Variants in ADD1 observed in about 807,000 individuals in gnomAD.
The protein encoded by ADD1 is alpha-adducin.
In ADD1, 24 loss-of-function variants were observed where a neutral mutation model predicts 80.5. That is an observed-to-expected ratio of 0.30 (90% CI 0.22 to 0.42). The LOEUF is 0.42. Ranked by LOEUF, ADD1 falls within the 10% of genes least tolerant of loss-of-function variation. The pLI, the probability that ADD1 is intolerant of heterozygous loss-of-function variation, is 1.00. For missense variants in ADD1, 948 were observed against 1,019.0 expected (o/e 0.93, Z 0.95); for synonymous variants, 373 against 393.8 (o/e 0.95, Z 0.63).
chr4:2,895,788 A>G (rs957026887), intron 6 of ADD1, among the ~76,000 whole-genome samples: 1 of 152,216 alleles, frequency 6.6e-6, no homozygotes, highest in Non-Finnish European at 1.5e-5. Flanking sequence ...TGTCATGTGA[A>G]AGCACAGTAC....
intron 1 of ADD1, chr4:2,853,337 C>T (rs1432517783): frequency 6.6e-6 from 1 of 152,048 alleles, no homozygotes; most frequent in Non-Finnish European, 1.5e-5. Flanking sequence ...AAACATCTGA[C>T]CTCAGGTGAT....
chr4:2,895,392 AGAAG>A (rs1460329923), intron 6 of ADD1, among the ~76,000 whole-genome samples: 1 of 152,018 alleles, frequency 6.6e-6, no homozygotes, highest in African/African-American at 2.4e-5. Context: ...GAATGGGAAA[AGAAG>A]GAGAGGGCAA....
At chr4:2,844,256 G>C (rs966774139) in intron 1 of ADD1, 3 of 152,320 alleles carry the variant, frequency 2.0e-5, no homozygotes, top group African/African-American at 4.8e-5. Flanking sequence ...TCTTTCATCG[G>C]GATAGGACCC....
intron 2 of ADD1, among the ~76,000 whole-genome samples, chr4:2,876,564 C>T (rs934995913): frequency 6.6e-5 from 10 of 151,812 alleles, no homozygotes; most frequent in Admixed American, 3.9e-4. Context: ...TGGCCAGGCG[C>T]GGTGGCTCAC....
Position 2,926,041 on chromosome 4 carries a change from A to T in ADD1, c.1976A>T (p.Lys659Ile). 6.2e-7 allele frequency: 1 copy of T among 1,614,140 alleles called. No homozygotes were observed. The highest frequency in any genetic ancestry group is 8.5e-7 in the Non-Finnish European group (1 of 1,179,990). ...AATCTGGACGAGGCTAGAGAACAGA[A>T]AGAAAAGAGTCCTCCAGACCAGCCT... is the stretch of plus-strand genomic sequence containing the variant. Reference protein sequence around the residue: ...EENLDEAREQKEKSPPDQPAV... With the variant: ...EENLDEAREQIEKSPPDQPAV... The change falls in exon 15 of 16, where the codon AAA becomes ATA. Residue 659 changes from lysine to isoleucine, a missense_variant. Lys to Ile is a moderately radical substitution (Grantham distance 102). Transcript: ENST00000683351. This position sits in a 1 kb window ranked among gnomAD's most constrained non-coding sequence, Gnocchi z 5.0.
chr4:2,868,745 T>A (rs1729948560), intron 1 of ADD1, among the ~76,000 whole-genome samples: 1 of 152,092 alleles, frequency 6.6e-6, no homozygotes, highest in Admixed American at 6.6e-5. Flanking sequence ...AGATAATTTA[T>A]CCGCATATGA....
intron 4 of ADD1, among the ~76,000 whole-genome samples, chr4:2,890,951 G>A (rs1041650639): frequency 3.6e-4 from 54 of 152,002 alleles, no homozygotes; most frequent in Admixed American, 3.2e-3. Flanking sequence ...ACTGAGCTTA[G>A]CAATTAGACA....
At chr4:2,889,708 G>A (rs539906475) in intron 4 of ADD1, among the ~76,000 whole-genome samples, 2 of 152,266 alleles carry the variant, frequency 1.3e-5, no homozygotes, top group Admixed American at 6.5e-5. Context: ...TGTAGTCCCA[G>A]TTGCTGGGGA....
intron 1 of ADD1, among the ~76,000 whole-genome samples, chr4:2,852,813 A>T (rs1577424275): frequency 5.0e-5 from 7 of 138,694 alleles, no homozygotes. Flanking sequence ...CAGTCCTCCC[A>T]CCCAGCTTCC....
chr4:2,884,573 C>G lies in ADD1; in HGVS notation c.417C>G (p.Asp139Glu). Reference protein sequence around the residue: ...DLRGSDSIAYDKGEKLLRCKL... With the variant: ...DLRGSDSIAYEKGEKLLRCKL... ...GAGGATCTGATTCTATTGCGTATGA[C>G]AAAGGAGAGAAGTTATTACGGTGTA... The change falls in exon 4 of 16, where the codon GAC (aspartate) becomes GAG (glutamate). Residue 139 changes from aspartate to glutamate, a missense_variant. Coordinates refer to ENST00000683351, the MANE Select transcript of ADD1 (RefSeq NM_001354761.2). 6.2e-7 allele frequency: 1 copy of G among 1,613,322 alleles called. No homozygotes were observed. Among genetic ancestry groups the G allele is most frequent in the Non-Finnish European group, 8.5e-7 (1 of 1,179,526 alleles).
Position 2,928,686 on chromosome 4 carries a change from G to A in ADD1, c.*163G>A, listed in dbSNP as rs1712423497. 1.4e-6 allele frequency: 1 copy of A among 703,886 alleles called. No individual in the cohort carries two copies. Among genetic ancestry groups the A allele is most frequent in the African/African-American group, 1.8e-5 (1 of 54,830 alleles). The allele number at this position is 703,886 out of a possible 1,614,324, so 43.6% of individuals were successfully genotyped here. ...CCCCGTGTAGCCCCGGGCTGACCCA[G>A]TGTGTGCTCAGCAGCCCCACCCCAC... On this transcript the variant is annotated 3_prime_UTR_variant, in exon 16 of 16. Coordinates refer to ENST00000683351, the MANE Select transcript of ADD1 (RefSeq NM_001354761.2).
At chr4:2,868,661 C>G (rs1461834688) in intron 1 of ADD1, among the ~76,000 whole-genome samples, 1 of 152,186 alleles carries the variant, frequency 6.6e-6, no homozygotes, top group African/African-American at 2.4e-5. Context: ...GGCCCTTGTA[C>G]AAACATGAGT....
intron 1 of ADD1, among the ~76,000 whole-genome samples, chr4:2,870,281 TACTTCTGCTA>T (rs1406211681): frequency 6.6e-6 from 1 of 152,256 alleles, no homozygotes; most frequent in Non-Finnish European, 1.5e-5. Flanking sequence ...AGGGCTGCAG[TACTTCTGCTA>T]AGAAAGAATA....
intron 4 of ADD1, among the ~76,000 whole-genome samples, chr4:2,893,209 T>C (rs923293646): frequency 4.0e-5 from 6 of 151,370 alleles, no homozygotes; most frequent in African/African-American, 1.5e-4. Flanking sequence ...GATTACAGGC[T>C]TGAGCCACAG....
In ADD1 at chr4:2,914,789, C is replaced by T. The variant is rs1738699182; in HGVS notation, c.1792-95C>T. ...CTCAGGGGTCTCTGCTCCTGGAAAG[C>T]CTCCTGCCCCCGCCCTGCCTGCAGC... On this transcript the variant is annotated intron_variant, in intron 13 of 15. Transcript: ENST00000683351. The T allele has an allele frequency of 2.8e-6, 4 of 1,448,588 alleles. No homozygotes were observed. The Admixed American group carries it at 9.3e-5, about 34-fold the overall frequency. 89.7% of individuals were successfully genotyped at this position (1,448,588 alleles called of 1,614,324 possible). A position where few individuals can be genotyped will look rare whatever the true frequency, so the allele number is the denominator to read the frequency against.
chr4:2,912,229 G>C (rs1235718537), intron 13 of ADD1, among the ~76,000 whole-genome samples: 3 of 152,352 alleles, frequency 2.0e-5, no homozygotes, highest in Middle Eastern at 3.4e-3. Flanking sequence ...GGGGAAGCTA[G>C]GCACATCTTG....
intron 5 of ADD1, 120 bp from the exon 6 acceptor site, chr4:2,894,462 G>C: frequency 1.2e-6 from 1 of 865,406 alleles, no homozygotes. Flanking sequence ...TGGAGGCCGA[G>C]GTCGCACCAC....
chr4:2,885,721 T>C (rs894631204), intron 4 of ADD1, among the ~76,000 whole-genome samples: 1 of 152,044 alleles, frequency 6.6e-6, no homozygotes, highest in Non-Finnish European at 1.5e-5. Context: ...GCCATTCTCC[T>C]GCCTCAGCCT....
In ADD1 at chr4:2,899,325, G is replaced by A. The variant is rs1735780646; in HGVS notation, c.1051G>A (p.Ala351Thr). 6.2e-7 allele frequency: 1 copy of A among 1,614,182 alleles called. No homozygotes were observed. Among genetic ancestry groups the A allele is most frequent in the Non-Finnish European group, 8.5e-7 (1 of 1,180,034 alleles). Reference sequence around the variant, plus strand: ...CCTGCTGAATCCTGAGAAGTACAAAGCCAAGTCCCGTTCCCCAGGGTCTCC... The same window carrying A: ...CCTGCTGAATCCTGAGAAGTACAAAACCAAGTCCCGTTCCCCAGGGTCTCC... ...LVLLNPEKYK[A>T]KSRSPGSPVG... The change falls in exon 9 of 16, where the codon GCC becomes ACC. Residue 351 changes from alanine (A) to threonine (T), a missense_variant. Ala to Thr is a moderately conservative substitution (Grantham distance 58). Coordinates refer to ENST00000683351, the MANE Select transcript of ADD1 (RefSeq NM_001354761.2).
Sources: allele counts gnomAD v4.1 joint callset (sites outside exome capture counted in the v4.1 genomes callset), GRCh38; gene constraint gnomAD v4.1.1; non-coding constraint Gnocchi (gnomAD v3.1); transcripts MANE v1.5; gene names NCBI Gene and HGNC (gene_info 2026-07-23, HGNC 2026-07-21).